Variants in CCDC141 observed in about 807,000 individuals in gnomAD.
CCDC141 encodes the protein coiled-coil domain containing 141.
A neutral mutation model predicts 181.0 loss-of-function variants in CCDC141; 168 were observed. The observed-to-expected ratio is 0.93, with a 90% CI of 0.82 to 1.05. The LOEUF is 1.05. CCDC141 is among the 50% of genes least tolerant of loss of function. The pLI is 0.00. For synonymous variants in CCDC141, 666 were observed against 642.3 expected (o/e 1.04, Z -0.56); for missense variants, 1,902 against 1,788.5 (o/e 1.06, Z -1.14).
At chr2:178,964,922 T>C (rs1690558969) in intron 4 of CCDC141, among the ~76,000 whole-genome samples, 1 of 152,210 alleles carries the variant, frequency 6.6e-6, no homozygotes, top group African/African-American at 2.4e-5. Context: ...TTAATTGTTT[T>C]GATTAATTTT....
At chr2:178,865,491 G>A (rs1481654748) in intron 17 of CCDC141, among the ~76,000 whole-genome samples, 1 of 152,104 alleles carries the variant, frequency 6.6e-6, no homozygotes, top group Non-Finnish European at 1.5e-5. Flanking sequence ...ATAAACAAAA[G>A]CAACCAAAAA....
intron 2 of CCDC141, among the ~76,000 whole-genome samples, chr2:178,991,301 C>T (rs1692043650): frequency 6.6e-6 from 1 of 152,200 alleles, no homozygotes; most frequent in Non-Finnish European, 1.5e-5. Flanking sequence ...CCATATAAAA[C>T]ATTTTAATTT....
Position 178,856,128 on chromosome 2 carries a change from C to A in CCDC141, c.2865+129G>T, listed in dbSNP as rs1575134488. On this transcript the variant is annotated intron_variant, in intron 18 of 23. Transcript: ENST00000443758. ...AAATTGTTATAAAAATAGAAAAATACCCTTTGAGTCCCAATGCTACAAAAA... is the reference window on the plus strand; with the variant it reads ...AAATTGTTATAAAAATAGAAAAATAACCTTTGAGTCCCAATGCTACAAAAA... The A allele has an allele frequency of 1.0e-5, 7 of 694,430 alleles. No homozygotes were observed. The East Asian group carries it at 1.1e-4, about 11-fold the overall frequency. 43.0% of individuals were successfully genotyped at this position (694,430 alleles called of 1,614,324 possible).
At chr2:179,040,389 T>A (rs1009066384) in intron 2 of CCDC141, among the ~76,000 whole-genome samples, 6 of 152,212 alleles carry the variant, frequency 3.9e-5, no homozygotes, top group Admixed American at 2.6e-4. Context: ...ACTTTAATTT[T>A]AAGTTTAGGG....
intron 2 of CCDC141, among the ~76,000 whole-genome samples, chr2:179,014,334 GA>G (rs1303609767): frequency 6.6e-6 from 1 of 151,986 alleles, no homozygotes; most frequent in Non-Finnish European, 1.5e-5. Context: ...GATAACACTG[GA>G]AAAACCCTTC....
chr2:178,999,833 C>T (rs911818093), intron 2 of CCDC141, among the ~76,000 whole-genome samples: 5 of 152,074 alleles, frequency 3.3e-5, no homozygotes, highest in Non-Finnish European at 7.4e-5. Flanking sequence ...GAAGTTGTCT[C>T]AGCAAACCTT....
chr2:178,953,438 A>G (rs1310793349), intron 5 of CCDC141, among the ~76,000 whole-genome samples: 3 of 146,002 alleles, frequency 2.1e-5, no homozygotes, highest in Admixed American at 1.4e-4. Context: ...CTCCCTCTCA[A>G]AAAAAAAAAA....
At chr2:178,964,383 C>T (rs1690535223) in intron 4 of CCDC141, among the ~76,000 whole-genome samples, 1 of 152,148 alleles carries the variant, frequency 6.6e-6, no homozygotes, top group Admixed American at 6.5e-5. Flanking sequence ...GAGGGAGGCA[C>T]AACTTTAGGC....
intron 5 of CCDC141, among the ~76,000 whole-genome samples, chr2:178,950,338 T>A (rs2154377861): frequency 6.6e-6 from 1 of 152,350 alleles, no homozygotes; most frequent in South Asian, 2.1e-4. Context: ...TTTGGGTTTT[T>A]TTTTCTTTTT....
chr2:178,859,460 G>A lies in CCDC141; in HGVS notation c.2725-3063C>T, dbSNP rs146349479. Among the ~76,000 whole-genome samples, 94 of 152,174 alleles carry A rather than the reference G, an allele frequency of 6.2e-4. 1 individual carries two copies. The highest frequency in any genetic ancestry group is 2.1e-3 in the African/African-American group (86 of 41,512). On this transcript the variant is annotated intron_variant, in intron 17 of 23. Coordinates refer to ENST00000443758, the MANE Select transcript of CCDC141 (RefSeq NM_173648.4). ...CAACTTGTCAACAATGGGGAATGGCGGGATGGGGCTGAGACAACTGCTCAA... is the reference window on the plus strand; with the variant it reads ...CAACTTGTCAACAATGGGGAATGGCAGGATGGGGCTGAGACAACTGCTCAA...
At chr2:179,019,422 A>G (rs2042633428) in intron 2 of CCDC141, among the ~76,000 whole-genome samples, 1 of 152,118 alleles carries the variant, frequency 6.6e-6, no homozygotes, top group Non-Finnish European at 1.5e-5. Context: ...CCAGGGTCTC[A>G]CTATTGTACC....
intron 17 of CCDC141, among the ~76,000 whole-genome samples, chr2:178,857,815 A>G (rs1685450466): frequency 6.6e-6 from 1 of 152,208 alleles, no homozygotes; most frequent in South Asian, 2.1e-4. Flanking sequence ...ATTATTTGGG[A>G]GGGAATAAAG....
chr2:178,886,607 T>A, intron 10 of CCDC141, 145 bp downstream of exon 10: 1 of 532,178 alleles, frequency 1.9e-6, no homozygotes, highest in Admixed American at 3.8e-5. Flanking sequence ...CACATAAGAA[T>A]ATGAGTTTTT....
rs1178174037 is a variant in CCDC141, at chr2:178,830,091, C to T, written c.*4082G>A. The T allele has an allele frequency of 1.3e-5, 2 of 152,186 alleles. No homozygotes were observed. Among genetic ancestry groups the T allele is most frequent in the Non-Finnish European group, 2.9e-5 (2 of 68,038 alleles). The allele number at this position is 152,186 out of a possible 1,614,324, so 9.4% of individuals were successfully genotyped here. On this transcript the variant is annotated 3_prime_UTR_variant, in exon 24 of 24. Coordinates refer to ENST00000443758, the MANE Select transcript of CCDC141 (RefSeq NM_173648.4). The stretch of plus-strand genomic sequence containing the variant: ...ATTTACGTAGTGTTCTAAAGAAGTA[C>T]ATAAATTCTGGTTTTGACAGTTTGG...
At chr2:179,040,837 A>G (rs1438025817) in intron 2 of CCDC141, among the ~76,000 whole-genome samples, 2 of 152,200 alleles carry the variant, frequency 1.3e-5, no homozygotes, top group East Asian at 1.9e-4. Context: ...TAGTACTGCA[A>G]TGAACATACT....
intron 2 of CCDC141, among the ~76,000 whole-genome samples, chr2:179,044,451 G>A (rs554440598): frequency 6.6e-6 from 1 of 152,246 alleles, no homozygotes; most frequent in Admixed American, 6.5e-5. Context: ...GATGGATTTA[G>A]GTATGCAAAT....
intron 16 of CCDC141, among the ~76,000 whole-genome samples, chr2:178,866,513 C>G (rs1685858361): frequency 6.6e-6 from 1 of 152,124 alleles, no homozygotes; most frequent in Admixed American, 6.5e-5. Context: ...CTATATCTTT[C>G]AGTTTAAAAA....
chr2:178,820,744 T>C, the CCDC141 span, among the ~76,000 whole-genome samples: 1 of 152,194 alleles, frequency 6.6e-6, no homozygotes. Flanking sequence ...AAAGGGATCA[T>C]AATAGAAAAA....
chr2:178,921,703 T>C (rs142531083), intron 6 of CCDC141, among the ~76,000 whole-genome samples: 400 of 152,336 alleles, frequency 2.6e-3, no homozygotes, highest in African/African-American at 9.2e-3. Context: ...AGGGGACCAA[T>C]GCTCCAGTTG....
Sources: allele counts gnomAD v4.1 joint callset (sites outside exome capture counted in the v4.1 genomes callset), GRCh38; gene constraint gnomAD v4.1.1; transcripts MANE v1.5; gene names NCBI Gene and HGNC (gene_info 2026-07-23, HGNC 2026-07-21).